Variants in RPH3A observed in about 807,000 individuals in gnomAD.
The protein encoded by RPH3A is rabphilin 3A.
Under a neutral mutation model 102.2 loss-of-function variants are expected in RPH3A, and 48 were observed. The observed-to-expected ratio is 0.47, with a 90% CI of 0.37 to 0.60. The LOEUF (loss-of-function observed/expected upper bound fraction) is 0.60. Ranked by LOEUF, RPH3A falls within the 20% of genes least tolerant of loss-of-function variation. The pLI is 0.00. For missense variants in RPH3A, 781 were observed against 910.1 expected, an observed-to-expected ratio of 0.86 and a Z score of 1.83; for synonymous variants, 310 against 324.3, an observed-to-expected ratio of 0.96 and a Z score of 0.47.
At position 112,582,720 on chromosome 12, in the gene RPH3A, C is replaced by T. The variant is rs936911205; in HGVS notation, c.-140+7401C>T. On this transcript the variant is annotated intron_variant, in intron 1 of 21. Transcript: ENST00000543106. ...GAAGTGATCCACCTGCCTTGGCTTC[C>T]CAAAGTGCTGGGATTACAGGTGTCA... Among the ~76,000 whole-genome samples the T allele has an allele frequency of 5.3e-5, 8 of 151,476 alleles. No homozygotes were observed. In the East Asian group the frequency reaches 1.4e-3, roughly 26 times the overall value.
chr12:112,675,471 C>T lies in RPH3A; in HGVS notation c.-140+100152C>T, dbSNP rs902013466. ...CAACCATATAAATATAGAGATGATT[C>T]TCCTCATCTTGCAGGTGAGAAAACT... is the stretch of plus-strand genomic sequence containing the variant. On this transcript the variant is annotated intron_variant, in intron 1 of 21. Transcript: ENST00000543106. Among the ~76,000 whole-genome samples, 76 of 152,198 alleles carry T rather than the reference C, an allele frequency of 5.0e-4. 4 individuals carry two copies. Among genetic ancestry groups the T allele is most frequent in the Non-Finnish European group, 7.3e-5 (5 of 68,036 alleles).
intron 2 of RPH3A, among the ~76,000 whole-genome samples, chr12:112,810,490 T>A (rs2041552381): frequency 2.0e-5 from 3 of 152,232 alleles, no homozygotes; most frequent in African/African-American, 7.2e-5. Context: ...TGCTAGATGA[T>A]CCCTGTAAGT....
chr12:112,581,454 G>C (rs934379433), intron 1 of RPH3A, among the ~76,000 whole-genome samples: 1 of 152,128 alleles, frequency 6.6e-6, no homozygotes, highest in Non-Finnish European at 1.5e-5. Context: ...GATTTGGGTG[G>C]GGACACAGCC....
chr12:112,635,691 T>C (rs1000722245), intron 1 of RPH3A, among the ~76,000 whole-genome samples: 3 of 152,206 alleles, frequency 2.0e-5, no homozygotes, highest in African/African-American at 7.2e-5. Context: ...ACTGTCATCT[T>C]TGGCGAGTTG....
At chr12:112,599,751 T>G (rs1286215071) in intron 1 of RPH3A, among the ~76,000 whole-genome samples, 1 of 152,222 alleles carries the variant, frequency 6.6e-6, no homozygotes, top group Non-Finnish European at 1.5e-5. Flanking sequence ...CCCACCACCC[T>G]TCCCATCTCT....
intron 2 of RPH3A, among the ~76,000 whole-genome samples, chr12:112,822,375 G>A (rs1003034250): frequency 1.6e-4 from 24 of 152,190 alleles, no homozygotes; most frequent in African/African-American, 5.1e-4. Flanking sequence ...GCCCAGCCCC[G>A]CTGGGTCACG....
chr12:112,892,698 A>G (rs1258214292), intron 19 of RPH3A, among the ~76,000 whole-genome samples: 2 of 152,216 alleles, frequency 1.3e-5, no homozygotes, highest in Admixed American at 6.5e-5. Flanking sequence ...TACATTTTCA[A>G]GGGGTCTGGT....
At chr12:112,835,075 G>T (rs963578497) in intron 3 of RPH3A, among the ~76,000 whole-genome samples, 21 of 151,954 alleles carry the variant, frequency 1.4e-4, no homozygotes, top group Admixed American at 1.0e-3. Context: ...ATTGGTGAAG[G>T]GTCTTTCTGA....
chr12:112,888,034 G>A (rs2043034081), intron 17 of RPH3A, 111 bp downstream of exon 17: 3 of 1,233,162 alleles, frequency 2.4e-6, no homozygotes, highest in African/African-American at 3.0e-5. Context: ...GGTAGCAGAG[G>A]CACTGCAGCA....
intron 2 of RPH3A, among the ~76,000 whole-genome samples, chr12:112,797,306 G>T (rs1024112597): frequency 6.6e-6 from 1 of 152,188 alleles, no homozygotes; most frequent in Non-Finnish European, 1.5e-5. Flanking sequence ...AGCTATAAGA[G>T]CCTTTCCTAA....
At chr12:112,804,294 A>G (rs774477651) in intron 2 of RPH3A, among the ~76,000 whole-genome samples, 1 of 152,182 alleles carries the variant, frequency 6.6e-6, no homozygotes, top group Non-Finnish European at 1.5e-5. Flanking sequence ...AAAAAAGCAG[A>G]TGGTGAATTT....
At chr12:112,594,783 T>C (rs1367730406) in intron 1 of RPH3A, among the ~76,000 whole-genome samples, 3 of 152,220 alleles carry the variant, frequency 2.0e-5, no homozygotes, top group Non-Finnish European at 4.4e-5. Context: ...TGTATCCTCA[T>C]GGATAATATA....
At position 112,876,812 on chromosome 12, in the gene RPH3A, C is replaced by A; in HGVS notation, c.1117C>A (p.Pro373Thr). Residue 373 changes from proline to threonine, a missense_variant, in exon 13 of 22, where the codon CCA becomes ACA. Transcript: ENST00000389385. ...APQPAAARQP[P>T]PPEEEEEEAN... The stretch of plus-strand genomic sequence containing the variant: ...CCAGCCTGCTGCAGCCCGCCAGCCA[C>A]CACCCCCAGAGGAGGAGGAAGAGGA... The A allele has an allele frequency of 6.2e-7, 1 of 1,610,632 alleles. No individual in the cohort carries two copies. Among genetic ancestry groups the A allele is most frequent in the Non-Finnish European group, 8.5e-7 (1 of 1,178,238 alleles).
chr12:112,613,791 TTAAC>T (rs1042224357), intron 1 of RPH3A, among the ~76,000 whole-genome samples: 2 of 151,922 alleles, frequency 1.3e-5, no homozygotes, highest in Non-Finnish European at 1.5e-5. Context: ...CTGCAAAAAA[TTAAC>T]TAGCTGGATG....
intron 1 of RPH3A, among the ~76,000 whole-genome samples, chr12:112,672,456 T>C (rs1428881716): frequency 2.0e-5 from 3 of 152,230 alleles, no homozygotes; most frequent in South Asian, 4.1e-4. Context: ...GATACCAGTT[T>C]TGCTGGTGAC....
In RPH3A at chr12:112,881,801, G is replaced by A. The variant is rs1384692094; in HGVS notation, c.1281G>A (p.Leu427=). ...KGLKPMDSNG[L]ADPYVKLHLL... ...TGAAGCCCATGGATTCAAACGGCTTGGCTGATCCCTACGTTAAGCTGCACC... is the reference window on the plus strand; with the variant it reads ...TGAAGCCCATGGATTCAAACGGCTTAGCTGATCCCTACGTTAAGCTGCACC... Residue 427 remains leucine (L), a synonymous_variant, in exon 15 of 22, where the codon TTG becomes TTA. Transcript: ENST00000389385. 6.2e-7 allele frequency: 1 copy of A among 1,612,668 alleles called. No homozygotes were observed. The highest frequency in any genetic ancestry group is 2.2e-5 in the East Asian group (1 of 44,800).
chr12:112,844,009 G>C (rs1166673312), intron 4 of RPH3A, among the ~76,000 whole-genome samples: 1 of 152,158 alleles, frequency 6.6e-6, no homozygotes, highest in Non-Finnish European at 1.5e-5. Context: ...CATGGCACAG[G>C]CTCTGCATAA....
At chr12:112,692,744 C>T (rs1002149745) in intron 1 of RPH3A, among the ~76,000 whole-genome samples, 1 of 152,206 alleles carries the variant, frequency 6.6e-6, no homozygotes, top group African/African-American at 2.4e-5. Flanking sequence ...TTGAATTTGT[C>T]CTTTTAGCTA....
At chr12:112,753,024 T>A (rs1311111037) in intron 1 of RPH3A, among the ~76,000 whole-genome samples, 1 of 150,306 alleles carries the variant, frequency 6.7e-6, no homozygotes, top group Non-Finnish European at 1.5e-5. Context: ...TCCTTGTACA[T>A]CTATCTTTGT....
Sources: gnomAD v4.1 joint callset for allele counts (sites outside exome capture counted in the v4.1 genomes callset) on GRCh38, gnomAD v4.1.1 for gene constraint, MANE v1.5 for transcripts, NCBI Gene and HGNC (gene_info 2026-07-23, HGNC 2026-07-21) for gene names.